The following SYNPO2 variants were observed in gnomAD, a reference collection of about 807,000 sequenced individuals.
SYNPO2 encodes synaptopodin 2.
Under a neutral mutation model 85.0 loss-of-function variants are expected in SYNPO2, and 56 were observed. The observed-to-expected ratio is 0.66, with a 90% CI of 0.53 to 0.82. The LOEUF (loss-of-function observed/expected upper bound fraction) is 0.82, where lower values mean the gene tolerates loss of function less well. Among genes scored for constraint, SYNPO2 ranks in the 40% least tolerant of loss-of-function variants. The probability of loss-of-function intolerance (pLI) is 0.00; values close to 1 mark genes in which losing one functional copy is unlikely to be tolerated. For synonymous variants in SYNPO2, 602 were observed against 591.1 expected (o/e 1.02, Z -0.27); for missense variants, 1,575 against 1,534.2 (o/e 1.03, Z -0.44).
chr4:118,975,868 C>T (rs999787792), intron 1 of SYNPO2, among the ~76,000 whole-genome samples: 11 of 152,236 alleles, frequency 7.2e-5, no homozygotes, highest in African/African-American at 2.4e-4. Flanking sequence ...TCTCCTGCCA[C>T]TAGCTGTATG....
Position 119,058,510 on chromosome 4 carries a change from T to C in SYNPO2, c.*576T>C, listed in dbSNP as rs1739295672. The C allele has an allele frequency of 6.9e-6, 1 of 143,970 alleles. No individual in the cohort carries two copies. 8.9% of individuals were successfully genotyped at this position (143,970 alleles called of 1,614,324 possible). ...TTTTTTGAGATGGAGTCTTGCTCTG[T>C]CCCACCCAGTCTGGAGTGCAATGGT... On this transcript the variant is annotated 3_prime_UTR_variant, in exon 5 of 5. Transcript: ENST00000307142.
At chr4:119,024,509 G>A (rs1251716869) in intron 2 of SYNPO2, among the ~76,000 whole-genome samples, 2 of 152,098 alleles carry the variant, frequency 1.3e-5, no homozygotes, top group Non-Finnish European at 2.9e-5. Flanking sequence ...GGATGAAAAT[G>A]AACTCACTAT....
chr4:118,863,914 A>G (rs1468276637), intron 1 of SYNPO2, among the ~76,000 whole-genome samples: 2 of 152,126 alleles, frequency 1.3e-5, no homozygotes, highest in African/African-American at 4.8e-5. Flanking sequence ...TCTTTGCTTC[A>G]TTGATCTTTT....
At chr4:118,962,748 G>T (rs530385500) in intron 1 of SYNPO2, among the ~76,000 whole-genome samples, 1 of 152,154 alleles carries the variant, frequency 6.6e-6, no homozygotes, top group African/African-American at 2.4e-5. Flanking sequence ...ATCCAGTCCT[G>T]CTTCCATGTT....
chr4:118,855,268 C>A (rs1731484730), intron 1 of SYNPO2, among the ~76,000 whole-genome samples: 1 of 152,022 alleles, frequency 6.6e-6, no homozygotes, highest in African/African-American at 2.4e-5. Context: ...GGAAAAAATT[C>A]TCTGTGCTGA....
Position 119,057,641 on chromosome 4 carries a change from C to T in SYNPO2, c.3493C>T (p.Arg1165Trp), listed in dbSNP as rs61529635. 6,365 of 1,614,060 alleles carry T rather than the reference C, an allele frequency of 3.9e-3. 105 individuals carry two copies. The African/African-American group carries it at 0.049, about 12-fold the overall frequency. Reference protein sequence around the residue: ...SIVANVVSAARRKVLPGPPED... With the variant: ...SIVANVVSAAWRKVLPGPPED... ...TGTGGCAAATGTGGTTTCAGCAGCT[C>T]GGAGGAAGGTGCTTCCAGGGCCTCC... Residue 1165 changes from arginine to tryptophan, a missense_variant, in exon 5 of 5, where the codon CGG becomes TGG. Around this residue, in one of 3 missense-constraint regions of SYNPO2, gnomAD observed 1,508 missense variants for 1,446.8 expected, o/e 1.04. Coordinates refer to ENST00000307142, the MANE Select transcript of SYNPO2 (RefSeq NM_133477.3).
intron 1 of SYNPO2, among the ~76,000 whole-genome samples, chr4:118,936,608 C>T (rs1387334204): frequency 6.6e-6 from 1 of 152,176 alleles, no homozygotes; most frequent in East Asian, 1.9e-4. Flanking sequence ...CAGCCTGGAG[C>T]ATTTTGTATG....
chr4:119,032,114 C>T (rs1361471582), intron 4 of SYNPO2, 87 bp downstream of exon 4: 4 of 1,539,942 alleles, frequency 2.6e-6, no homozygotes, highest in Non-Finnish European at 3.5e-6. Flanking sequence ...TGCAGTGTTT[C>T]TTGAGTCCCT....
intron 1 of SYNPO2, among the ~76,000 whole-genome samples, chr4:118,881,039 A>G (rs1199096373): frequency 6.6e-6 from 1 of 152,020 alleles, no homozygotes; most frequent in Non-Finnish European, 1.5e-5. Flanking sequence ...GTGGTGGCTC[A>G]TGCCTGTAAT....
intron 1 of SYNPO2, among the ~76,000 whole-genome samples, chr4:118,998,986 C>CA: frequency 6.6e-6 from 1 of 152,098 alleles, no homozygotes; most frequent in Non-Finnish European, 1.5e-5. Flanking sequence ...ACTTGTTGAC[C>CA]GTGTGATCTT....
chr4:119,058,464 CTTTTTTTTTTT>C lies in SYNPO2; in HGVS notation c.*546_*556del, dbSNP rs70944828. On this transcript the variant is annotated 3_prime_UTR_variant, in exon 5 of 5. Coordinates refer to ENST00000307142, the MANE Select transcript of SYNPO2 (RefSeq NM_133477.3). Reference sequence around the variant, plus strand: ...CTTGGTGTTAAGTATTTCTCTGCAACTTTTTTTTTTTTTTTTTTTTTTTTTTGAGATGGAGT... The same window carrying C: ...CTTGGTGTTAAGTATTTCTCTGCAACTTTTTTTTTTTTTTTGAGATGGAGT... 3,362 of 109,394 alleles carry C rather than the reference CTTTTTTTTTTT, an allele frequency of 0.031. 89 individuals are homozygous for C. Among genetic ancestry groups the C allele is most frequent in the South Asian group, 0.064 (192 of 2,992 alleles). 6.8% of individuals were successfully genotyped at this position (109,394 alleles called of 1,614,324 possible).
Position 118,968,516 on chromosome 4 carries a change from G to A in SYNPO2, c.106-54914G>A, listed in dbSNP as rs531694870. ...TTTTCTAAATTAGAGCCCAGACTTC[G>A]AAAGGTCACAGCTAAGAAAGCACCC... On this transcript the variant is annotated intron_variant, in intron 1 of 4. Coordinates refer to ENST00000307142, the MANE Select transcript of SYNPO2 (RefSeq NM_133477.3). Among the ~76,000 whole-genome samples, 7 of 152,268 alleles carry A rather than the reference G, an allele frequency of 4.6e-5. No individual in the cohort carries two copies. The South Asian group carries it at 1.5e-3, about 32-fold the overall frequency.
chr4:118,959,803 C>T (rs1217249698), intron 1 of SYNPO2, among the ~76,000 whole-genome samples: 1 of 103,458 alleles, frequency 9.7e-6, no homozygotes, highest in African/African-American at 2.9e-5. Flanking sequence ...TATCCTTTGT[C>T]TTTTCTAGCT....
Position 118,900,663 on chromosome 4 carries a change from T to TTCTC in SYNPO2, c.105+11560_105+11563dup, listed in dbSNP as rs376467151. ...TTTGTAATCTTACCCTAGAATCTCTTTCTCTCTCTCTCTCTCTCTCTCTCT... is the reference window on the plus strand; with the variant it reads ...TTTGTAATCTTACCCTAGAATCTCTTTCTCTCTCTCTCTCTCTCTCTCTCTCTCT... On this transcript the variant is annotated intron_variant, in intron 1 of 4. Coordinates refer to ENST00000307142, the MANE Select transcript of SYNPO2 (RefSeq NM_133477.3). Among the ~76,000 whole-genome samples, 736 of 77,380 alleles carry TTCTC rather than the reference T, an allele frequency of 9.5e-3. 11 individuals are homozygous for TTCTC. Among genetic ancestry groups the TTCTC allele is most frequent in the East Asian group, 0.017 (42 of 2,406 alleles). The allele number at this position is 77,380 out of a possible 152,430, so 50.8% of individuals were successfully genotyped here.
chr4:118,879,295 C>T (rs1203340343), intron 1 of SYNPO2, among the ~76,000 whole-genome samples: 6 of 152,172 alleles, frequency 3.9e-5, no homozygotes, highest in African/African-American at 9.7e-5. Flanking sequence ...AGTGCCAATT[C>T]AGAGAGGGTT....
Position 119,030,392 on chromosome 4 carries a change from G to A in SYNPO2, c.1617G>A (p.Lys539=), listed in dbSNP as rs1286676537. ...GAACCACGACTTCTTACCAAAGAAAGGAGGAAGAGTCGGTAAGAACGCAGA... is the reference window on the plus strand; with the variant it reads ...GAACCACGACTTCTTACCAAAGAAAAGAGGAAGAGTCGGTAAGAACGCAGA... ...GLRTTTSYQR[K]EEESVRTQSS... The change falls in exon 4 of 5, where the codon AAG becomes AAA. Residue 539 remains lysine, a synonymous_variant. Coordinates refer to ENST00000307142, the MANE Select transcript of SYNPO2 (RefSeq NM_133477.3). The A allele has an allele frequency of 6.2e-7, 1 of 1,614,202 alleles. No homozygotes were observed.
Position 119,026,796 on chromosome 4 carries a change from G to A in SYNPO2, c.427G>A (p.Ala143Thr), listed in dbSNP as rs1737967310. ...LAPVKTEVPL[A>T]ENQRSGPDCA... Reference sequence around the variant, plus strand: ...CCCTGTCAAGACTGAAGTTCCCCTAGCTGAGAACCAAAGAAGTGGTCCCGA... The same window carrying A: ...CCCTGTCAAGACTGAAGTTCCCCTAACTGAGAACCAAAGAAGTGGTCCCGA... The change falls in exon 3 of 5, where the codon GCT becomes ACT. Residue 143 changes from alanine to threonine, a missense_variant. Coordinates refer to ENST00000307142, the MANE Select transcript of SYNPO2 (RefSeq NM_133477.3). 4 of 1,595,686 alleles carry A rather than the reference G, an allele frequency of 2.5e-6. No individual in the cohort carries two copies. The East Asian group carries it at 9.2e-5, about 37-fold the overall frequency.
At chr4:119,014,127 T>G (rs1386207301) in intron 1 of SYNPO2, among the ~76,000 whole-genome samples, 1 of 152,172 alleles carries the variant, frequency 6.6e-6, no homozygotes, top group African/African-American at 2.4e-5. Context: ...GCTCAGACAT[T>G]AAAGAGATTT....
intron 4 of SYNPO2, among the ~76,000 whole-genome samples, chr4:119,045,387 G>T (rs901966832): frequency 2.0e-5 from 3 of 152,080 alleles, no homozygotes; most frequent in South Asian, 2.1e-4. Flanking sequence ...GGAGGTTAAG[G>T]CTGCAATGAG....
Sources: gnomAD v4.1 joint callset for allele counts (sites outside exome capture counted in the v4.1 genomes callset) on GRCh38, gnomAD v4.1.1 for gene constraint, gnomAD v4.1.1 regional missense constraint, MANE v1.5 for transcripts, NCBI Gene and HGNC (gene_info 2026-07-23, HGNC 2026-07-21) for gene names.